The following IQSEC3 variants were observed in gnomAD, a reference collection of about 807,000 sequenced individuals.
The protein encoded by IQSEC3 is IQ motif and SEC7 domain-containing protein 3.
Under a neutral mutation model 105.4 loss-of-function variants are expected in IQSEC3, and 50 were observed. That is an observed-to-expected ratio of 0.47 (90% CI 0.38 to 0.60). The LOEUF is 0.60. Among genes scored for constraint, IQSEC3 ranks in the 20% least tolerant of loss-of-function variants. IQSEC3 has a pLI of 0.00. For missense variants in IQSEC3, 1,415 were observed against 1,630.0 expected (o/e 0.87, Z 2.27); for synonymous variants, 708 against 746.0 (o/e 0.95, Z 0.83).
At position 163,487 on chromosome 12, in the gene IQSEC3, C is replaced by G. The variant is rs369141399; in HGVS notation, c.2584-7C>G. ...TCTCTCCCGCTGAGCGCCCTGCCCG[C>G]GTGCAGGTGCTGTCCGTGCCCCACC... On this transcript the variant is annotated splice_region_variant and splice_polypyrimidine_tract_variant and intron_variant, in intron 8 of 13. Coordinates refer to ENST00000538872, the MANE Select transcript of IQSEC3 (RefSeq NM_001170738.2). 1.3e-5 allele frequency: 20 copies of G among 1,598,228 alleles called. No individual in the cohort carries two copies. Among genetic ancestry groups the G allele is most frequent in the Non-Finnish European group, 1.7e-5 (20 of 1,170,746 alleles).
chr12:95,448 C>T (rs1470226168), intron 1 of IQSEC3, among the ~76,000 whole-genome samples: 2 of 152,130 alleles, frequency 1.3e-5, no homozygotes, highest in East Asian at 3.8e-4. Context: ...CTGACATCTT[C>T]CAGCTCTTAT....
chr12:100,200 T>C (rs1864378515), intron 2 of IQSEC3, among the ~76,000 whole-genome samples: 1 of 152,222 alleles, frequency 6.6e-6, no homozygotes, highest in East Asian at 1.9e-4. Context: ...TATCATCCCG[T>C]CGAGTCTCTG....
chr12:78,928 C>T (rs1863651302), intron 1 of IQSEC3, among the ~76,000 whole-genome samples: 2 of 152,128 alleles, frequency 1.3e-5, no homozygotes, highest in African/African-American at 4.8e-5. Flanking sequence ...CACCCTGACC[C>T]CGGCATCTTC....
At chr12:169,542 C>T (rs955021460) in intron 12 of IQSEC3, among the ~76,000 whole-genome samples, 1 of 152,212 alleles carries the variant, frequency 6.6e-6, no homozygotes, top group Non-Finnish European at 1.5e-5. Flanking sequence ...CTTCTCTGTA[C>T]AGTCCCTTCT....
At chr12:84,172 G>A (rs1355740949) in intron 1 of IQSEC3, among the ~76,000 whole-genome samples, 2 of 152,252 alleles carry the variant, frequency 1.3e-5, no homozygotes, top group African/African-American at 2.4e-5. Flanking sequence ...AGAAAGGCTG[G>A]TGGCATCGTG....
intron 4 of IQSEC3, chr12:140,435 T>G (rs1214077910): frequency 6.6e-6 from 1 of 152,194 alleles, no homozygotes; most frequent in African/African-American, 2.4e-5. Context: ...TGCATGCACA[T>G]GAAAACTCAT....
intron 2 of IQSEC3, among the ~76,000 whole-genome samples, chr12:119,018 C>A (rs1445521723): frequency 1.3e-5 from 2 of 152,230 alleles, no homozygotes; most frequent in East Asian, 3.9e-4. Context: ...GATATGCTAA[C>A]CTATGGGTTC....
intron 5 of IQSEC3, among the ~76,000 whole-genome samples, chr12:155,862 T>C (rs1191698189): frequency 2.6e-5 from 4 of 152,042 alleles, no homozygotes; most frequent in African/African-American, 9.7e-5. Flanking sequence ...GGGAGGAGAC[T>C]AGGGTGAGTG....
At chr12:163,989 G>A (rs973699921) in intron 9 of IQSEC3, among the ~76,000 whole-genome samples, 7 of 152,214 alleles carry the variant, frequency 4.6e-5, no homozygotes, top group African/African-American at 1.2e-4. Flanking sequence ...GGGCCTAGGC[G>A]GAGCATGCTC....
At chr12:130,794 G>C (rs1865562278) in intron 3 of IQSEC3, among the ~76,000 whole-genome samples, 1 of 152,186 alleles carries the variant, frequency 6.6e-6, no homozygotes, top group African/African-American at 2.4e-5. Context: ...GCCCAGCACA[G>C]ACCCAAGGCT....
intron 1 of IQSEC3, among the ~76,000 whole-genome samples, chr12:89,075 G>A (rs1555072761): frequency 6.6e-6 from 1 of 152,116 alleles, no homozygotes; most frequent in African/African-American, 2.4e-5. Context: ...GCATAGAGTA[G>A]GGGCTGGGTC....
At chr12:92,127 A>G (rs1555073626) in intron 1 of IQSEC3, among the ~76,000 whole-genome samples, 1 of 152,122 alleles carries the variant, frequency 6.6e-6, no homozygotes, top group Non-Finnish European at 1.5e-5. Context: ...ATCAGAACTC[A>G]TCAATATGGG....
rs535043958 is a variant in IQSEC3 at position 73,585 on chromosome 12, A to T, written c.554+6149A>T. Among the ~76,000 whole-genome samples the T allele has an allele frequency of 2.4e-4, 36 of 152,184 alleles. No individual in the cohort carries two copies. The South Asian group carries it at 7.5e-3, about 32-fold the overall frequency. ...CTCGGGAGGCTGAGGCAGGAGAATC[A>T]CTTGAATCTAGGAGGCTGAGGTTGC... is the stretch of plus-strand genomic sequence containing the variant. On this transcript the variant is annotated intron_variant, in intron 1 of 13. Coordinates refer to ENST00000538872, the MANE Select transcript of IQSEC3 (RefSeq NM_001170738.2).
chr12:99,292 G>A (rs1288793824), intron 2 of IQSEC3, 78 bp downstream of exon 2: 10 of 1,312,458 alleles, frequency 7.6e-6, no homozygotes, highest in Non-Finnish European at 1.1e-5. Flanking sequence ...CACTGCACTA[G>A]CTATTGGGCC....
At chr12:156,929 G>T in intron 5 of IQSEC3, 96 bp from the exon 6 acceptor site, 3 of 1,384,772 alleles carry the variant, frequency 2.2e-6, no homozygotes, top group Non-Finnish European at 2.8e-6. Context: ...GAGGGGCCCT[G>T]CACCTGTCCT....
At chr12:93,987 C>T (rs1340811642) in intron 1 of IQSEC3, among the ~76,000 whole-genome samples, 2 of 152,226 alleles carry the variant, frequency 1.3e-5, no homozygotes, top group African/African-American at 4.8e-5. Flanking sequence ...TGCAGCCATG[C>T]CTCTTGTTCA....
chr12:161,539 C>T (rs111615638), intron 7 of IQSEC3, among the ~76,000 whole-genome samples: 3 of 152,186 alleles, frequency 2.0e-5, no homozygotes, highest in African/African-American at 4.8e-5. Flanking sequence ...CCTTATGATG[C>T]TGGAGTGGTG....
In IQSEC3 at chr12:177,667, G is replaced by C. The variant is rs146171618; in HGVS notation, c.*2634G>C. The C allele has an allele frequency of 6.6e-6, 1 of 152,522 alleles. No homozygotes were observed. Among genetic ancestry groups the C allele is most frequent in the African/African-American group, 2.4e-5 (1 of 41,544 alleles). The allele number at this position is 152,522 out of a possible 1,614,324, so 9.4% of individuals were successfully genotyped here. ...CAGGACACAGCTGGCCCTCCTCATT[G>C]TCAGGGGAAGCAAGTGCCCAACATC... On this transcript the variant is annotated 3_prime_UTR_variant, in exon 14 of 14. Transcript: ENST00000538872. This position sits in a 1 kb window ranked among gnomAD's most constrained non-coding sequence, Gnocchi z 5.3.
At chr12:97,938 TA>T (rs1207153116) in intron 1 of IQSEC3, among the ~76,000 whole-genome samples, 1 of 152,198 alleles carries the variant, frequency 6.6e-6, no homozygotes, top group African/African-American at 2.4e-5. Context: ...AATTCGGGGC[TA>T]GGAGGTCTGG....
Sources: gnomAD v4.1 joint callset for allele counts (sites outside exome capture counted in the v4.1 genomes callset) on GRCh38, gnomAD v4.1.1 for gene constraint, Gnocchi (gnomAD v3.1) non-coding constraint, MANE v1.5 for transcripts, NCBI Gene and HGNC (gene_info 2026-07-23, HGNC 2026-07-21) for gene names.